The following EPAS1 variants were observed in gnomAD, a reference collection of about 807,000 sequenced individuals.
EPAS1 encodes endothelial PAS domain protein 1, also known as endothelial PAS domain-containing protein 1.
Under a neutral mutation model 87.9 loss-of-function variants are expected in EPAS1, and 23 were observed. That is an observed-to-expected ratio of 0.26 (90% confidence interval 0.19 to 0.37). The LOEUF is 0.37. Among genes scored for constraint, EPAS1 ranks in the 10% least tolerant of loss-of-function variants. EPAS1 has a pLI of 1.00. For synonymous variants in EPAS1, 508 were observed against 444.3 expected (o/e 1.14, Z -1.80); for missense variants, 1,138 against 1,120.7 (o/e 1.02, Z -0.22).
rs748541419 is a variant in EPAS1, at chr2:46,356,132, C to T, written c.218-19C>T. On this transcript the variant is annotated intron_variant, in intron 2 of 15. Coordinates refer to ENST00000263734, the MANE Select transcript of EPAS1 (RefSeq NM_001430.5). ...CACTCCACATTCATGCAAGCTGTCC[C>T]ACCCCCCCCCCTTTCCAGTTTGCTC... 1.6e-6 allele frequency: 2 copies of T among 1,282,668 alleles called. No homozygotes were observed. Among genetic ancestry groups the T allele is most frequent in the Non-Finnish European group, 2.2e-6 (2 of 919,132 alleles). 79.5% of individuals were successfully genotyped at this position (1,282,668 alleles called of 1,614,324 possible).
intron 6 of EPAS1, among the ~76,000 whole-genome samples, chr2:46,362,471 TG>T (rs1558602895): frequency 6.6e-6 from 1 of 152,124 alleles, no homozygotes; most frequent in South Asian, 2.1e-4. Flanking sequence ...AGTTAGTGGC[TG>T]GGGGGCAGGA....
At chr2:46,365,013 T>G (rs1684472018) in intron 6 of EPAS1, among the ~76,000 whole-genome samples, 1 of 152,208 alleles carries the variant, frequency 6.6e-6, no homozygotes, top group South Asian at 2.1e-4. Flanking sequence ...CAAAAGTTGT[T>G]CCCAAGTAGT....
chr2:46,314,705 G>A (rs969568171), intron 1 of EPAS1, among the ~76,000 whole-genome samples: 2 of 152,232 alleles, frequency 1.3e-5, no homozygotes, highest in African/African-American at 4.8e-5. Context: ...TAGAGGGAAG[G>A]AAGGTGGACG....
rs910778217 is a variant in EPAS1, at chr2:46,298,238, C to A, written c.26+301C>A. Among the ~76,000 whole-genome samples the A allele has an allele frequency of 2.6e-5, 4 of 152,170 alleles. No homozygotes were observed. The East Asian group carries it at 5.8e-4, about 22-fold the overall frequency. On this transcript the variant is annotated intron_variant, in intron 1 of 15. Coordinates refer to ENST00000263734, the MANE Select transcript of EPAS1 (RefSeq NM_001430.5). ...CTTCCGCGGTGCCTTTGAAAATCTCCCAGCCGCCCCGCAGCAGATTACCGT... is the reference window on the plus strand; with the variant it reads ...CTTCCGCGGTGCCTTTGAAAATCTCACAGCCGCCCCGCAGCAGATTACCGT...
intron 1 of EPAS1, among the ~76,000 whole-genome samples, chr2:46,318,014 C>A (rs911613346): frequency 1.3e-5 from 2 of 152,196 alleles, no homozygotes; most frequent in Non-Finnish European, 2.9e-5. Flanking sequence ...CTGGTTTGAT[C>A]TTCTCACTAA....
intron 1 of EPAS1, among the ~76,000 whole-genome samples, chr2:46,332,619 A>G (rs1254987943): frequency 6.6e-6 from 1 of 152,152 alleles, no homozygotes; most frequent in Non-Finnish European, 1.5e-5. Context: ...CTTTAGCCCC[A>G]CTTGCTGATC....
At chr2:46,374,275 T>G (rs11681242) in intron 7 of EPAS1, among the ~76,000 whole-genome samples, 54,477 of 152,082 alleles carry the variant, frequency 0.36, 11,304 homozygotes, top group Non-Finnish European at 0.49. Context: ...GGAGACTCTC[T>G]GTCTACCGAG....
chr2:46,385,673 A>ATTCT lies in EPAS1; in HGVS notation c.*1014_*1017dup, dbSNP rs1207543730. On this transcript the variant is annotated 3_prime_UTR_variant, in exon 16 of 16. Coordinates refer to ENST00000263734, the MANE Select transcript of EPAS1 (RefSeq NM_001430.5). ...GGAGCACTGCGCGCTATCCCCTCAC[A>ATTCT]TTCTCTATGTACTATGTATGTATGT... The ATTCT allele has an allele frequency of 1.5e-5, 2 of 130,216 alleles. No homozygotes were observed. Among genetic ancestry groups the ATTCT allele is most frequent in the African/African-American group, 3.0e-5 (1 of 33,480 alleles). The allele number at this position is 130,216 out of a possible 1,614,324, so 8.1% of individuals were successfully genotyped here. A position where few individuals can be genotyped will look rare whatever the true frequency, so the allele number is the denominator to read the frequency against.
intron 1 of EPAS1, among the ~76,000 whole-genome samples, chr2:46,322,382 C>G (rs1683471346): frequency 6.6e-6 from 1 of 152,190 alleles, no homozygotes; most frequent in African/African-American, 2.4e-5. Flanking sequence ...TAACTTCTAT[C>G]CTTGTAAGTG....
chr2:46,356,441 C>CGTGTG, intron 3 of EPAS1, 139 bp downstream of exon 3: 3 of 1,099,664 alleles, frequency 2.7e-6, no homozygotes, highest in Non-Finnish European at 4.1e-6. Flanking sequence ...TCAGGCCACA[C>CGTGTG]GCCTCAGGCC....
In EPAS1 at chr2:46,297,807, T is replaced by A; in HGVS notation, c.-105T>A. ...CGGGACCTGCGCGCACCTCGGACCT[T>A]CACCACCCGCCCGGGCCGCGGGGAG... On this transcript the variant is annotated 5_prime_UTR_variant, in exon 1 of 16. Transcript: ENST00000263734. 6.6e-7 allele frequency: 1 copy of A among 1,509,684 alleles called. No individual in the cohort carries two copies. Among genetic ancestry groups the A allele is most frequent in the Non-Finnish European group, 9.0e-7 (1 of 1,113,138 alleles). 93.5% of individuals were successfully genotyped at this position (1,509,684 alleles called of 1,614,324 possible).
intron 2 of EPAS1, 24 bp from the exon 3 acceptor site, chr2:46,356,127 T>TTGGGGGGGGGGG: frequency 7.2e-7 from 1 of 1,395,468 alleles, no homozygotes; most frequent in Non-Finnish European, 9.9e-7. Flanking sequence ...TCATGCAAGC[T>TTGGGGGGGGGGG]GTCCCACCCC....
chr2:46,382,118 C>T (rs1558613103), intron 14 of EPAS1, 29 bp downstream of exon 14: 2 of 1,602,132 alleles, frequency 1.2e-6, no homozygotes, highest in Admixed American at 1.7e-5. Context: ...CCTGGGCCTC[C>T]TGGGGGTTCT....
At chr2:46,319,720 C>T (rs1238184701) in intron 1 of EPAS1, among the ~76,000 whole-genome samples, 1 of 152,078 alleles carries the variant, frequency 6.6e-6, no homozygotes, top group African/African-American at 2.4e-5. Flanking sequence ...GCGGTATTTG[C>T]TTATTTTCTT....
Position 46,360,380 on chromosome 2 carries a change from A to G in EPAS1, c.455-258A>G, listed in dbSNP as rs148372860. 2.7e-4 allele frequency among the ~76,000 whole-genome samples: 41 copies of G among 152,318 alleles called. No individual in the cohort carries two copies. Among genetic ancestry groups the G allele is most frequent in the African/African-American group, 8.2e-4 (34 of 41,570 alleles). The stretch of plus-strand genomic sequence containing the variant: ...CACCACTGACCATGTTCCAGATGCA[A>G]TGGGAAATCAAATGATGGAGCAGCT... On this transcript the variant is annotated intron_variant, in intron 4 of 15. Transcript: ENST00000263734. The surrounding 1 kb of genome is among the most constrained non-coding windows in gnomAD (Gnocchi z 4.5).
intron 4 of EPAS1, among the ~76,000 whole-genome samples, chr2:46,358,116 T>C (rs1238361211): frequency 1.3e-5 from 2 of 152,208 alleles, no homozygotes; most frequent in African/African-American, 4.8e-5. Context: ...GTTTGGCTCT[T>C]ATTACCACAC....
chr2:46,372,560 C>T (rs543432499), intron 7 of EPAS1, among the ~76,000 whole-genome samples: 1 of 152,178 alleles, frequency 6.6e-6, no homozygotes, highest in African/African-American at 2.4e-5. Context: ...TTACTCTGGG[C>T]GTGAGGTTAG....
rs768937395 is a variant in EPAS1, at chr2:46,361,045, T to C, written c.734T>C (p.Leu245Pro). The change falls in exon 6 of 16, where the codon CTG becomes CCG. Residue 245 changes from leucine to proline, a missense_variant. Physicochemically the swap from Leu to Pro is moderately conservative, Grantham distance 98. Around this residue, in one of 4 missense-constraint regions of EPAS1, gnomAD observed 351 missense variants for 417.1 expected, o/e 0.84. Coordinates refer to ENST00000263734, the MANE Select transcript of EPAS1 (RefSeq NM_001430.5). ...MDIPLDSKTF[L>P]SRHSMDMKFT... ...ATCCCCCTGGATAGCAAGACCTTCCTGAGCCGCCACAGCATGGACATGAAG... is the reference window on the plus strand; with the variant it reads ...ATCCCCCTGGATAGCAAGACCTTCCCGAGCCGCCACAGCATGGACATGAAG... 2.5e-6 allele frequency: 4 copies of C among 1,614,172 alleles called. No individual in the cohort carries two copies. The highest frequency in any genetic ancestry group is 3.4e-6 in the Non-Finnish European group (4 of 1,180,034).
chr2:46,378,843 T>C (rs1028995483), intron 11 of EPAS1, 76 bp downstream of exon 11: 17 of 1,312,494 alleles, frequency 1.3e-5, no homozygotes, highest in Middle Eastern at 3.6e-4. Flanking sequence ...TCCATTCTTG[T>C]AGCCTCATCC....
Sources: gnomAD v4.1 joint callset for allele counts (sites outside exome capture counted in the v4.1 genomes callset) on GRCh38, gnomAD v4.1.1 for gene constraint, gnomAD v4.1.1 regional missense constraint, Gnocchi (gnomAD v3.1) non-coding constraint, MANE v1.5 for transcripts, NCBI Gene and HGNC (gene_info 2026-07-23, HGNC 2026-07-21) for gene names.